The following FMO2 variants were observed in gnomAD, a reference collection of about 807,000 sequenced individuals.
FMO2 encodes flavin-containing monooxygenase 2.
FMO2 carries 33 observed loss-of-function variants against 41.6 expected under a neutral mutation model. That is an observed-to-expected ratio of 0.79 (90% CI 0.60 to 1.06). FMO2 has a LOEUF of 1.06. Among genes scored for constraint, FMO2 ranks in the 50% least tolerant of loss-of-function variants. The pLI, the probability that FMO2 is intolerant of heterozygous loss-of-function variation, is 0.00. For missense variants in FMO2, 619 were observed against 632.9 expected (o/e 0.98, Z 0.23); for synonymous variants, 214 against 219.6 (o/e 0.97, Z 0.23).
chr1:171,198,267 A>T (rs11810116), intron 4 of FMO2, among the ~76,000 whole-genome samples: 60,460 of 151,920 alleles, frequency 0.4, 12,820 homozygotes, highest in East Asian at 0.55. Context: ...ATGGAAACCA[A>T]CTCCTATGTG....
At chr1:171,199,303 G>C in intron 4 of FMO2, 43 bp from the exon 5 acceptor site, 2 of 1,503,652 alleles carry the variant, frequency 1.3e-6, no homozygotes. Context: ...GCTTGACATA[G>C]TTGCTCTGGA....
Position 171,203,923 on chromosome 1 carries a change from A to C in FMO2, c.686A>C (p.Tyr229Ser). 1 of 1,613,684 alleles carries C rather than the reference A, an allele frequency of 6.2e-7. No individual in the cohort carries two copies. Among genetic ancestry groups the C allele is most frequent in the Non-Finnish European group, 8.5e-7 (1 of 1,179,738 alleles). ...ATGAGCCGTATCTCTGAAGATGGCTATCCTTGGGACTCAGTGTTCCACACC... is the reference window on the plus strand; with the variant it reads ...ATGAGCCGTATCTCTGAAGATGGCTCTCCTTGGGACTCAGTGTTCCACACC... ...WVMSRISEDG[Y>S]PWDSVFHTRF... The change falls in exon 6 of 9, where the codon TAT (tyrosine) becomes TCT (serine). Residue 229 changes from tyrosine to serine, a missense_variant. Transcript: ENST00000209929.
At chr1:171,185,998 A>G in intron 2 of FMO2, 153 bp downstream of exon 2, 1 of 823,494 alleles carries the variant, frequency 1.2e-6, no homozygotes, top group East Asian at 2.7e-5. Flanking sequence ...CTGAAGTCAT[A>G]GGCTGGCATC....
At chr1:171,201,944 T>G (rs1658557030) in intron 5 of FMO2, among the ~76,000 whole-genome samples, 1 of 152,148 alleles carries the variant, frequency 6.6e-6, no homozygotes, top group Non-Finnish European at 1.5e-5. Flanking sequence ...GTCCTGCCCT[T>G]GACACGTGGG....
chr1:171,205,936 G>GA (rs1658743391), intron 7 of FMO2, among the ~76,000 whole-genome samples: 1 of 152,166 alleles, frequency 6.6e-6, no homozygotes, highest in African/African-American at 2.4e-5. Flanking sequence ...ATAAGTTTAA[G>GA]AAAAAGATCT....
At chr1:171,200,096 T>C (rs1219043997) in intron 5 of FMO2, among the ~76,000 whole-genome samples, 1 of 152,182 alleles carries the variant, frequency 6.6e-6, no homozygotes, top group Non-Finnish European at 1.5e-5. Flanking sequence ...AGAAATTTAG[T>C]GTGTATTTGA....
At chr1:171,208,664 A>G in intron 8 of FMO2, 130 bp from the exon 9 acceptor site, 7 of 826,840 alleles carry the variant, frequency 8.5e-6, no homozygotes, top group Non-Finnish European at 1.3e-5. Flanking sequence ...CAAACTTTCC[A>G]CCAGAGATTC....
chr1:171,196,280 G>A (rs1348318952), intron 3 of FMO2, among the ~76,000 whole-genome samples: 3 of 152,300 alleles, frequency 2.0e-5, no homozygotes, highest in Middle Eastern at 3.4e-3. Context: ...GTCTGAGATT[G>A]GACAGTTACT....
At chr1:171,205,013 G>T (rs16864174) in intron 6 of FMO2, among the ~76,000 whole-genome samples, 16,498 of 152,176 alleles carry the variant, frequency 0.11, 1,046 homozygotes, top group East Asian at 0.25. Context: ...CAGGCATTTT[G>T]TCTAAGCCCT....
In FMO2 at chr1:171,199,489, G is replaced by A; in HGVS notation, c.627+1G>A. ...TGAGCTGAGTAAGAATGCTGCTCAG[G>A]TGTGATGCTCTCTGCTTACCATGTA... On this transcript the variant is annotated splice_donor_variant, in intron 5 of 8. Transcript: ENST00000209929. LOFTEE classifies it high-confidence loss of function. 5.0e-6 allele frequency: 8 copies of A among 1,604,522 alleles called. 1 individual carries two copies. In the South Asian group the frequency reaches 5.6e-5, roughly 11 times the overall value.
intron 5 of FMO2, among the ~76,000 whole-genome samples, chr1:171,201,094 C>T (rs1658516541): frequency 6.6e-6 from 1 of 152,110 alleles, no homozygotes; most frequent in Non-Finnish European, 1.5e-5. Flanking sequence ...AAGAAACTAC[C>T]TTGGCTCTAT....
intron 5 of FMO2, among the ~76,000 whole-genome samples, chr1:171,200,864 C>A (rs934900282): frequency 6.6e-6 from 1 of 152,160 alleles, no homozygotes; most frequent in African/African-American, 2.4e-5. Flanking sequence ...GCTAGGAATA[C>A]CCGCAAAGCC....
In FMO2 at chr1:171,189,720, G is replaced by A. The variant is rs561870970; in HGVS notation, c.133-3615G>A. Among the ~76,000 whole-genome samples, 5 of 143,664 alleles carry A rather than the reference G, an allele frequency of 3.5e-5. No homozygotes were observed. The East Asian group carries it at 8.7e-4, about 25-fold the overall frequency. 94.2% of individuals were successfully genotyped at this position (143,664 alleles called of 152,430 possible). A position where few individuals can be genotyped will look rare whatever the true frequency, so the allele number is the denominator to read the frequency against. On this transcript the variant is annotated intron_variant, in intron 2 of 8. Transcript: ENST00000209929. The stretch of plus-strand genomic sequence containing the variant: ...GTTGCCCAGGCTGGAGGGCAGTAGC[G>A]CAATCTCAGCTCACTGCAACCTCCA...
In FMO2 at chr1:171,194,033, GC is replaced by G. The variant is rs28369852; in HGVS notation, c.321+516del. ...GACCTCAAGTGATCCACCCGCCTCG[GC>G]CCCCCAAAGTGCTGGGATTACAGGT... On this transcript the variant is annotated intron_variant, in intron 3 of 8. Transcript: ENST00000209929. Among the ~76,000 whole-genome samples the G allele has an allele frequency of 1.5e-4, 23 of 152,214 alleles. No homozygotes were observed. The East Asian group carries it at 4.2e-3, about 28-fold the overall frequency.
Position 171,209,810 on chromosome 1 carries a change from G to A in FMO2, c.*665G>A, listed in dbSNP as rs558166003. On this transcript the variant is annotated 3_prime_UTR_variant, in exon 9 of 9. Transcript: ENST00000209929. ...TAATAGCTACCTAACAAATATATAT[G>A]TTTAATGTTTATCATAGGCCAGACA... The A allele has an allele frequency of 6.6e-6, 1 of 152,222 alleles. No homozygotes were observed. The highest frequency in any genetic ancestry group is 6.5e-5 in the Admixed American group (1 of 15,278). 9.4% of individuals were successfully genotyped at this position (152,222 alleles called of 1,614,324 possible). A position where few individuals can be genotyped will look rare whatever the true frequency, so the allele number is the denominator to read the frequency against.
At chr1:171,208,134 A>G (rs2075991) in intron 8 of FMO2, among the ~76,000 whole-genome samples, 70,909 of 151,992 alleles carry the variant, frequency 0.47, 17,090 homozygotes, top group East Asian at 0.6. Context: ...GAGAGGGAAT[A>G]GGATGAGACA....
intron 4 of FMO2, among the ~76,000 whole-genome samples, chr1:171,198,570 C>A (rs940978788): frequency 2.0e-5 from 3 of 151,818 alleles, no homozygotes; most frequent in Non-Finnish European, 1.5e-5. Flanking sequence ...GCACGACCAC[C>A]CCTGGCTAAT....
At position 171,209,049 on chromosome 1, in the gene FMO2, G is replaced by A. The variant is rs1658876947; in HGVS notation, c.1512G>A (p.Leu504=). ...RILKPLKTRA[L]KDSSNFSVSF... ...TGAAGCCACTCAAGACTCGGGCCCT[G>A]AAGGATTCATCTAATTTCTCAGTTT... is the stretch of plus-strand genomic sequence containing the variant. The change falls in exon 9 of 9, where the codon CTG becomes CTA. Residue 504 remains leucine (L), a synonymous_variant. Coordinates refer to ENST00000209929, the MANE Select transcript of FMO2 (RefSeq NM_001460.5). 1.7e-6 allele frequency: 2 copies of A among 1,175,918 alleles called. No homozygotes were observed. Among genetic ancestry groups the A allele is most frequent in the Middle Eastern group, 2.3e-4 (1 of 4,380 alleles). 72.8% of individuals were successfully genotyped at this position (1,175,918 alleles called of 1,614,324 possible).
chr1:171,196,819 C>T lies in FMO2; in HGVS notation c.484+8C>T, dbSNP rs1658329758. On this transcript the variant is annotated splice_region_variant and intron_variant, in intron 4 of 8. Transcript: ENST00000209929. ...CACTGAAGTCATTTCCAGGTGAGAC[C>T]CGCTGGGATTCCCAGCTTTTTGGAG... 6.2e-7 allele frequency: 1 copy of T among 1,609,830 alleles called. No individual in the cohort carries two copies. Among genetic ancestry groups the T allele is most frequent in the African/African-American group, 1.3e-5 (1 of 74,788 alleles).
Sources: allele counts gnomAD v4.1 joint callset (sites outside exome capture counted in the v4.1 genomes callset), GRCh38; gene constraint gnomAD v4.1.1; transcripts MANE v1.5; gene names NCBI Gene and HGNC (gene_info 2026-07-23, HGNC 2026-07-21).